The following NAA11 variants were observed in gnomAD, a reference collection of about 807,000 sequenced individuals.
The protein encoded by NAA11 is N-alpha-acetyltransferase 11, NatA catalytic subunit.
In NAA11, 15 loss-of-function variants were observed where a neutral mutation model predicts 16.1. That is an observed-to-expected ratio of 0.93 (90% confidence interval 0.62 to 1.44). The LOEUF is 1.44. NAA11 is among the 40% of genes most tolerant of loss of function. The probability of loss-of-function intolerance (pLI) is 0.00; values close to 1 mark genes in which losing one functional copy is unlikely to be tolerated. For missense variants in NAA11, 298 were observed against 291.3 expected (o/e 1.02, Z -0.17); for synonymous variants, 122 against 112.4 (o/e 1.09, Z -0.54).
chr4:79,242,018 C>T (rs1721707154), intron 2 of NAA11, among the ~76,000 whole-genome samples: 1 of 152,178 alleles, frequency 6.6e-6, no homozygotes, highest in African/African-American at 2.4e-5. Context: ...AGGGGCTTTT[C>T]TCTGCTATTC....
intron 2 of NAA11, among the ~76,000 whole-genome samples, chr4:79,271,914 G>A (rs1169587923): frequency 1.3e-5 from 2 of 151,952 alleles, no homozygotes; most frequent in South Asian, 2.1e-4. Flanking sequence ...TGATCATTAA[G>A]CGTATGTAAA....
intron 2 of NAA11, among the ~76,000 whole-genome samples, chr4:79,228,275 G>T (rs958184780): frequency 5.3e-5 from 8 of 151,942 alleles, no homozygotes; most frequent in African/African-American, 1.9e-4. Context: ...TACTAGTACT[G>T]TTATTACAGC....
the NAA11 span, among the ~76,000 whole-genome samples, chr4:79,166,746 G>A: frequency 6.7e-6 from 1 of 149,618 alleles, no homozygotes; most frequent in African/African-American, 2.5e-5. Context: ...GCACGCACCT[G>A]TAGTCCCAGC....
intron 2 of NAA11, among the ~76,000 whole-genome samples, chr4:79,272,389 A>G (rs1345553904): frequency 6.6e-6 from 1 of 152,084 alleles, no homozygotes; most frequent in Non-Finnish European, 1.5e-5. Context: ...ATATATATTT[A>G]GACCAGAAAA....
At chr4:79,170,170 TG>T in the NAA11 span, among the ~76,000 whole-genome samples, 1 of 152,216 alleles carries the variant, frequency 6.6e-6, no homozygotes, top group Non-Finnish European at 1.5e-5. Flanking sequence ...GCATGGGATT[TG>T]TGCAATCACA....
At chr4:79,313,261 T>C (rs567677559), downstream of NAA11, among the ~76,000 whole-genome samples, 1 of 152,344 alleles carries the variant, frequency 6.6e-6, no homozygotes, top group South Asian at 2.1e-4. Flanking sequence ...TGCAGGTTTT[T>C]TTTTACACTA....
intron 1 of NAA11, among the ~76,000 whole-genome samples, chr4:79,307,952 A>G (rs991350226): frequency 1.3e-5 from 2 of 152,206 alleles, no homozygotes; most frequent in African/African-American, 2.4e-5. Flanking sequence ...AATTTCCACT[A>G]TGTTCTAGCT....
chr4:79,242,960 T>G (rs1721727906), intron 2 of NAA11, among the ~76,000 whole-genome samples: 1 of 152,216 alleles, frequency 6.6e-6, no homozygotes, highest in African/African-American at 2.4e-5. Flanking sequence ...TTGGATAGTT[T>G]AAGGAAGCCC....
chr4:79,157,249 C>T, the NAA11 span, among the ~76,000 whole-genome samples: 7 of 152,074 alleles, frequency 4.6e-5, no homozygotes, highest in Non-Finnish European at 1.0e-4. Context: ...TTATCTCTCA[C>T]CCCCTCCCAC....
intron 2 of NAA11, chr4:79,227,985 T>C (rs1321081284): frequency 1.3e-5 from 2 of 152,012 alleles, no homozygotes; most frequent in Non-Finnish European, 2.9e-5. Flanking sequence ...AACTTAACTG[T>C]GTCTGTATTA....
At chr4:79,203,782 T>A in the NAA11 span, among the ~76,000 whole-genome samples, 3 of 151,718 alleles carry the variant, frequency 2.0e-5, no homozygotes, top group African/African-American at 7.3e-5. Flanking sequence ...GTATTTGAAA[T>A]AGATGTGACA....
the NAA11 span, among the ~76,000 whole-genome samples, chr4:79,190,673 A>G: frequency 6.6e-6 from 1 of 151,924 alleles, no homozygotes; most frequent in Non-Finnish European, 1.5e-5. Context: ...TAAATTTTTT[A>G]AGTTATTATT....
chr4:79,242,085 G>A (rs570891476), intron 2 of NAA11, among the ~76,000 whole-genome samples: 2 of 152,198 alleles, frequency 1.3e-5, no homozygotes, highest in Admixed American at 6.5e-5. Context: ...AGTGACACAC[G>A]TGAGAGGCAT....
chr4:79,249,820 CA>C (rs1721953004), intron 2 of NAA11, among the ~76,000 whole-genome samples: 1 of 152,204 alleles, frequency 6.6e-6, no homozygotes, highest in South Asian at 2.1e-4. Flanking sequence ...TCAGATTCTT[CA>C]AAGTTGAAAG....
downstream of NAA11, among the ~76,000 whole-genome samples, chr4:79,222,453 G>A (rs1356754000): frequency 2.0e-5 from 3 of 150,948 alleles, no homozygotes; most frequent in Non-Finnish European, 3.0e-5. Flanking sequence ...GTAGAAAGCT[G>A]AAACTGGATC....
the NAA11 span, among the ~76,000 whole-genome samples, chr4:79,163,559 G>T: frequency 1.3e-5 from 2 of 152,202 alleles, no homozygotes; most frequent in Non-Finnish European, 2.9e-5. Flanking sequence ...TGGCATCAGT[G>T]CTTGGGAATT....
chr4:79,273,154 G>A (rs1324271250), intron 2 of NAA11, among the ~76,000 whole-genome samples: 1 of 151,882 alleles, frequency 6.6e-6, no homozygotes, highest in Non-Finnish European at 1.5e-5. Flanking sequence ...AGATTCAAAG[G>A]ACTCCATAGA....
In NAA11 at chr4:79,226,568, TCCCTCCC is replaced by T. The variant is rs1441680489; in HGVS notation, c.*123-305_*123-299del. On this transcript the variant is annotated intron_variant and NMD_transcript_variant, in intron 2 of 2. Coordinates refer to the NAA11 transcript ENST00000511542. The stretch of plus-strand genomic sequence containing the variant: ...ACATTAGGTATATCTCCTAATGCTA[TCCCTCCC>T]CCCTCCCCCCACCCCACAACAGGCA... Among the ~76,000 whole-genome samples, 5 of 121,444 alleles carry T rather than the reference TCCCTCCC, an allele frequency of 4.1e-5. 1 individual carries two copies. The highest frequency in any genetic ancestry group is 1.6e-4 in the African/African-American group (5 of 32,070). The allele number at this position is 121,444 out of a possible 152,430, so 79.7% of individuals were successfully genotyped here.
the NAA11 span, among the ~76,000 whole-genome samples, chr4:79,197,223 A>G: frequency 2.2e-4 from 33 of 152,012 alleles, no homozygotes; most frequent in Admixed American, 2.1e-3. Flanking sequence ...AAAGAGGAAT[A>G]TGATTACTGA....
Sources: allele counts gnomAD v4.1 joint callset (sites outside exome capture counted in the v4.1 genomes callset), GRCh38; gene constraint gnomAD v4.1.1; transcripts MANE v1.5; gene names NCBI Gene and HGNC (gene_info 2026-07-23, HGNC 2026-07-21).